B4GALT5: variants seen among roughly 807,000 people sequenced by gnomAD.
B4GALT5 encodes beta-1,4-galactosyltransferase 5.
In B4GALT5, 11 loss-of-function variants were observed where a neutral mutation model predicts 45.0. That is an observed-to-expected ratio of 0.24 (90% confidence interval 0.15 to 0.40). The LOEUF is 0.40. B4GALT5 is among the 10% of genes least tolerant of loss of function. The probability of loss-of-function intolerance (pLI) is 1.00; values close to 1 mark genes in which losing one functional copy is unlikely to be tolerated. For synonymous variants in B4GALT5, 185 were observed against 182.9 expected (o/e 1.01, Z -0.09); for missense variants, 337 against 500.2 (o/e 0.67, Z 3.11).
At chr20:49,692,430 G>A (rs2085817838) in intron 1 of B4GALT5, among the ~76,000 whole-genome samples, 1 of 152,128 alleles carries the variant, frequency 6.6e-6, no homozygotes, top group Non-Finnish European at 1.5e-5. Flanking sequence ...TCGCATCACT[G>A]CATTCCAGCC....
At chr20:49,707,719 ATCT>A (rs983313957) in intron 1 of B4GALT5, among the ~76,000 whole-genome samples, 35 of 152,162 alleles carry the variant, frequency 2.3e-4, no homozygotes, top group African/African-American at 7.2e-4. Context: ...GGCTCAGGTG[ATCT>A]TCTGACCTCA....
intron 1 of B4GALT5, among the ~76,000 whole-genome samples, chr20:49,677,493 T>C (rs1265116733): frequency 6.6e-6 from 1 of 152,198 alleles, no homozygotes; most frequent in Non-Finnish European, 1.5e-5. Context: ...AAATGCTAGG[T>C]GCAAACATTT....
At position 49,639,748 on chromosome 20, in the gene B4GALT5, A is replaced by G; in HGVS notation, c.847T>C (p.Phe283Leu). Reference sequence around the variant, plus strand: ...TTAGGAAAGCCATTGATTTTCCGAAATTGTTCCACTGTTAAGCCACTCACT... The same window carrying G: ...TTAGGAAAGCCATTGATTTTCCGAAGTTGTTCCACTGTTAAGCCACTCACT... ...GGVSGLTVEQ[F>L]RKINGFPNAF... The change falls in exon 7 of 9, where the codon TTT (phenylalanine) becomes CTT (leucine). Residue 283 changes from phenylalanine to leucine, a missense_variant. Phe to Leu is a conservative substitution (Grantham distance 22). This residue lies in a region of B4GALT5 where 163 missense variants were observed against 292.8 expected (regional missense o/e 0.56). Transcript: ENST00000371711. The G allele has an allele frequency of 6.2e-7, 1 of 1,613,712 alleles. No homozygotes were observed. Among genetic ancestry groups the G allele is most frequent in the Non-Finnish European group, 8.5e-7 (1 of 1,179,730 alleles).
intron 1 of B4GALT5, among the ~76,000 whole-genome samples, chr20:49,658,784 A>C (rs1026442990): frequency 6.6e-6 from 1 of 152,194 alleles, no homozygotes; most frequent in Non-Finnish European, 1.5e-5. Flanking sequence ...ATGAATGTGC[A>C]CTTGTAACAA....
chr20:49,681,158 G>C (rs747751181), intron 1 of B4GALT5, among the ~76,000 whole-genome samples: 1 of 140,476 alleles, frequency 7.1e-6, no homozygotes, highest in African/African-American at 2.7e-5. Flanking sequence ...TTAGGTTATA[G>C]TGAGCTATGA....
chr20:49,650,258 C>T (rs1393594233), intron 2 of B4GALT5, among the ~76,000 whole-genome samples: 1 of 151,994 alleles, frequency 6.6e-6, no homozygotes, highest in African/African-American at 2.4e-5. Context: ...AAATACGCAA[C>T]AACTCTATTG....
chr20:49,645,540 G>A (rs1411355440), intron 3 of B4GALT5, among the ~76,000 whole-genome samples: 1 of 152,152 alleles, frequency 6.6e-6, no homozygotes, highest in African/African-American at 2.4e-5. Flanking sequence ...CCTGAGGTCA[G>A]GAGTTCAAGA....
chr20:49,637,021 G>A (rs2085556899), intron 8 of B4GALT5, among the ~76,000 whole-genome samples: 2 of 151,950 alleles, frequency 1.3e-5, no homozygotes, highest in African/African-American at 2.4e-5. Flanking sequence ...CGGAAAGGGC[G>A]CCACTGCTCT....
At chr20:49,693,726 G>A (rs1480924396) in intron 1 of B4GALT5, among the ~76,000 whole-genome samples, 2 of 152,184 alleles carry the variant, frequency 1.3e-5, no homozygotes, top group Non-Finnish European at 2.9e-5. Context: ...AGCAGTGTGC[G>A]CTTATGCTCA....
intron 1 of B4GALT5, among the ~76,000 whole-genome samples, chr20:49,678,715 GT>G (rs1209634407): frequency 6.6e-6 from 1 of 152,088 alleles, no homozygotes; most frequent in Non-Finnish European, 1.5e-5. Flanking sequence ...GGGTTAAAAG[GT>G]TTCATTTAAC....
intron 1 of B4GALT5, among the ~76,000 whole-genome samples, chr20:49,684,151 G>A (rs1035078147): frequency 6.6e-6 from 1 of 151,476 alleles, no homozygotes; most frequent in Admixed American, 6.6e-5. Flanking sequence ...AAAAAAAAAA[G>A]AGCAAAGTAA....
intron 6 of B4GALT5, 117 bp from the exon 7 acceptor site, chr20:49,639,917 T>C (rs954375887): frequency 7.3e-7 from 1 of 1,367,676 alleles, no homozygotes; most frequent in East Asian, 2.4e-5. Flanking sequence ...CTGAACCATA[T>C]GAATGTATCA....
rs1167901542 is a variant in B4GALT5, at chr20:49,665,478, AATAATG to A, written c.116-8782_116-8777del. On this transcript the variant is annotated intron_variant, in intron 1 of 8. Coordinates refer to ENST00000371711, the MANE Select transcript of B4GALT5 (RefSeq NM_004776.4). ...TAATAATAATAATAATAATAATAATAATAATGAAGAAACATCAAGTCCTAAGGACTT... is the reference window on the plus strand; with the variant it reads ...TAATAATAATAATAATAATAATAATAAAGAAACATCAAGTCCTAAGGACTT... Among the ~76,000 whole-genome samples, 390 of 141,190 alleles carry A rather than the reference AATAATG, an allele frequency of 2.8e-3. 1 individual carries two copies. The highest frequency in any genetic ancestry group is 3.8e-3 in the Non-Finnish European group (248 of 64,490). 92.6% of individuals were successfully genotyped at this position (141,190 alleles called of 152,430 possible).
rs138937981 is a variant in B4GALT5, at chr20:49,681,077, G to A, written c.116-24375C>T. Among the ~76,000 whole-genome samples the A allele has an allele frequency of 1.3e-3, 193 of 151,966 alleles. 1 individual carries two copies. Among genetic ancestry groups the A allele is most frequent in the African/African-American group, 4.2e-3 (175 of 41,452 alleles). On this transcript the variant is annotated intron_variant, in intron 1 of 8. Transcript: ENST00000371711. Reference sequence around the variant, plus strand: ...TTCTACCAAAAACAATTAGCCAGGCGTGGTGGCATGCATCTGTTGTCCCAG... The same window carrying A: ...TTCTACCAAAAACAATTAGCCAGGCATGGTGGCATGCATCTGTTGTCCCAG...
chr20:49,678,935 A>C (rs72626555), intron 1 of B4GALT5, among the ~76,000 whole-genome samples: 2,436 of 152,250 alleles, frequency 0.016, 38 homozygotes, highest in East Asian at 0.083. Context: ...GCACAAAGCA[A>C]AGTTCCCTCC....
intron 1 of B4GALT5, among the ~76,000 whole-genome samples, chr20:49,692,234 A>G (rs1265156863): frequency 6.6e-6 from 1 of 151,864 alleles, no homozygotes; most frequent in Non-Finnish European, 1.5e-5. Flanking sequence ...ATTTATACAT[A>G]AGCCTTTCAC....
At chr20:49,640,811 C>T in intron 5 of B4GALT5, 146 bp from the exon 6 acceptor site, 3 of 796,860 alleles carry the variant, frequency 3.8e-6, no homozygotes, top group South Asian at 2.0e-5. Context: ...AATCAACTCA[C>T]AGTGTGGCTC....
At chr20:49,692,338 G>A (rs1314951764) in intron 1 of B4GALT5, among the ~76,000 whole-genome samples, 2 of 150,796 alleles carry the variant, frequency 1.3e-5, no homozygotes, top group South Asian at 2.1e-4. Flanking sequence ...ATGGTGGCGC[G>A]TGCCTGTAGT....
intron 1 of B4GALT5, among the ~76,000 whole-genome samples, chr20:49,700,870 AT>A (rs1180805338): frequency 6.6e-6 from 1 of 152,168 alleles, no homozygotes; most frequent in Non-Finnish European, 1.5e-5. Flanking sequence ...TCCATTTAAT[AT>A]TTTCAGAACT....
Sources: allele counts gnomAD v4.1 joint callset (sites outside exome capture counted in the v4.1 genomes callset), GRCh38; gene constraint gnomAD v4.1.1; regional missense constraint gnomAD v4.1.1; transcripts MANE v1.5; gene names NCBI Gene and HGNC (gene_info 2026-07-23, HGNC 2026-07-21).